PLK5: variants seen among roughly 807,000 people sequenced by gnomAD.
PLK5 encodes the protein polo like kinase 5 (inactive).
A neutral mutation model predicts 33.7 loss-of-function variants in PLK5; 28 were observed. The observed-to-expected ratio is 0.83, with a 90% CI of 0.62 to 1.14. The LOEUF is 1.14. Among genes scored for constraint, PLK5 ranks in the 50% most tolerant of loss-of-function variants. PLK5 has a pLI of 0.00. For missense variants in PLK5, 492 were observed against 461.5 expected, an observed-to-expected ratio of 1.07 and a Z score of -0.61; for synonymous variants, 225 against 202.2, an observed-to-expected ratio of 1.11 and a Z score of -0.96.
Position 1,535,247 on chromosome 19 carries a change from C to T in PLK5, c.1008C>T (p.Ile336=), listed in dbSNP as rs948874202. 1 of 1,535,340 alleles carries T rather than the reference C, an allele frequency of 6.5e-7. No homozygotes were observed. The highest frequency in any genetic ancestry group is 8.7e-7 in the Non-Finnish European group (1 of 1,146,468). The change falls in exon 14 of 14, where the codon ATC becomes ATT. Residue 336 remains isoleucine, a synonymous_variant. Coordinates refer to ENST00000454744, the MANE Select transcript of PLK5 (RefSeq NM_001243079.2). ...ACGCCCTCCGCATGCTGCAGAGTAT[C>T]TAGTGCCCCTGAGGGTCAGAGTGGA... is the stretch of plus-strand genomic sequence containing the variant. ...LHHALRMLQS[I] is the part of the protein sequence containing the mutation.
In PLK5 at chr19:1,535,201, C is replaced by T. The variant is rs1568256067; in HGVS notation, c.962C>T (p.Thr321Ile). The change falls in exon 14 of 14, where the codon ACC (threonine) becomes ATC (isoleucine). Residue 321 changes from threonine (T) to isoleucine (I), a missense_variant. By Grantham distance (89) the Thr-to-Ile change is moderately conservative. Coordinates refer to ENST00000454744, the MANE Select transcript of PLK5 (RefSeq NM_001243079.2). ...DVPRSHGCAPTTGQHLHHALR... is the reference protein window; with the variant it reads ...DVPRSHGCAPITGQHLHHALR... Reference sequence around the variant, plus strand: ...CCGCGGAGCCACGGCTGCGCCCCCACCACCGGACAGCACCTTCACCACGCC... The same window carrying T: ...CCGCGGAGCCACGGCTGCGCCCCCATCACCGGACAGCACCTTCACCACGCC... 6.5e-7 allele frequency: 1 copy of T among 1,535,492 alleles called. No homozygotes were observed. Among genetic ancestry groups the T allele is most frequent in the Admixed American group, 2.0e-5 (1 of 50,902 alleles).
At position 1,535,280 on chromosome 19, in the gene PLK5, A is replaced by G. The variant is rs1914065425; in HGVS notation, c.*30A>G. The stretch of plus-strand genomic sequence containing the variant: ...CCTGAGGGTCAGAGTGGACCCCTGC[A>G]TGGTAGTGCCAGGGACCCAGGCTCC... On this transcript the variant is annotated 3_prime_UTR_variant, in exon 14 of 14. Transcript: ENST00000454744. 5 of 1,518,480 alleles carry G rather than the reference A, an allele frequency of 3.3e-6. No individual in the cohort carries two copies. In the African/African-American group the frequency reaches 4.2e-5, roughly 13 times the overall value. The allele number at this position is 1,518,480 out of a possible 1,614,324, so 94.1% of individuals were successfully genotyped here.
chr19:1,535,313 T>G lies in PLK5; in HGVS notation c.*63T>G. On this transcript the variant is annotated 3_prime_UTR_variant, in exon 14 of 14. Transcript: ENST00000454744. ...GCCAGGGACCCAGGCTCCATTTCCA[T>G]TCCTGTGGCTCCCCCAGAGGGGCTG... is the stretch of plus-strand genomic sequence containing the variant. The G allele has an allele frequency of 6.8e-7, 1 of 1,465,210 alleles. No individual in the cohort carries two copies. The highest frequency in any genetic ancestry group is 9.1e-7 in the Non-Finnish European group (1 of 1,103,504). 90.8% of individuals were successfully genotyped at this position (1,465,210 alleles called of 1,614,324 possible).
chr19:1,524,958 C>T lies in PLK5; in HGVS notation c.-543-347C>T, dbSNP rs1913695236. The T allele has an allele frequency of 6.6e-6, 1 of 152,628 alleles. No individual in the cohort carries two copies. Among genetic ancestry groups the T allele is most frequent in the Admixed American group, 6.6e-5 (1 of 15,220 alleles). The allele number at this position is 152,628 out of a possible 1,614,324, so 9.5% of individuals were successfully genotyped here. A position where few individuals can be genotyped will look rare whatever the true frequency, so the allele number is the denominator to read the frequency against. On this transcript the variant is annotated intron_variant, in intron 1 of 13. Transcript: ENST00000454744. The surrounding 1 kb of genome is among the most constrained non-coding windows in gnomAD (Gnocchi z 4.5). ...GTTTGTGTGTTGCTGCGTTGTGTAT[C>T]TGGGTGTTGTGTTGTGTGTCCATGC...
Position 1,528,406 on chromosome 19 carries a change from G to C in PLK5, c.306G>C (p.Leu102=). 6.5e-7 allele frequency: 1 copy of C among 1,535,208 alleles called. No homozygotes were observed. The highest frequency in any genetic ancestry group is 1.7e-4 in the Middle Eastern group (1 of 5,968). ...GRIFRKVGQR[L]LTQCRPPCPF... ...TCTTCCGGAAGGTGGGCCAGCGGCTGCTCACCCAGTGCCGGCCACCCTGTA... is the reference window on the plus strand; with the variant it reads ...TCTTCCGGAAGGTGGGCCAGCGGCTCCTCACCCAGTGCCGGCCACCCTGTA... The change falls in exon 8 of 14, where the codon CTG becomes CTC. Residue 102 remains leucine (L), a synonymous_variant. Transcript: ENST00000454744.
intron 3 of PLK5, among the ~76,000 whole-genome samples, chr19:1,526,112 A>G (rs1479158107): frequency 6.6e-6 from 1 of 151,988 alleles, no homozygotes; most frequent in African/African-American, 2.4e-5. Context: ...GTGGCCGTGA[A>G]CTCACTGTGC....
At chr19:1,532,295 C>G (rs577730258) in intron 12 of PLK5, among the ~76,000 whole-genome samples, 6 of 152,118 alleles carry the variant, frequency 3.9e-5, no homozygotes, top group African/African-American at 1.4e-4. Flanking sequence ...AATCCTGGCA[C>G]GTTGGAGGCT....
At chr19:1,527,516 TGCTTGA>T (rs1913775735) in intron 6 of PLK5, among the ~76,000 whole-genome samples, 1 of 151,890 alleles carries the variant, frequency 6.6e-6, no homozygotes, top group African/African-American at 2.4e-5. Flanking sequence ...TTGGGAGGAT[TGCTTGA>T]GCTCAGGAGG....
chr19:1,527,937 T>A lies in PLK5; in HGVS notation c.4T>A (p.Tyr2Asn). 2 of 1,529,732 alleles carry A rather than the reference T, an allele frequency of 1.3e-6. No homozygotes were observed. Among genetic ancestry groups the A allele is most frequent in the East Asian group, 4.9e-5 (2 of 40,642 alleles). 94.8% of individuals were successfully genotyped at this position (1,529,732 alleles called of 1,614,324 possible). ...GTTCTTGCCCCCCACCTGGCCCAGG[T>A]ACACGGTGCTGACTGGCACCCCACC... The part of the protein sequence containing the change: M[Y>N]TVLTGTPPFM... Residue 2 changes from tyrosine to asparagine, a missense_variant and splice_region_variant, in exon 7 of 14, where the codon TAC becomes AAC. Transcript: ENST00000454744.
chr19:1,527,034 C>CG (rs759454775), intron 6 of PLK5, 36 bp downstream of exon 6: 52,139 of 985,226 alleles, frequency 0.053, 1,145 homozygotes, highest in Middle Eastern at 0.093. Context: ...GCAGGGCCTC[C>CG]GGGGGGGGCA....
At position 1,533,863 on chromosome 19, in the gene PLK5, G is replaced by A. The variant is rs1459891171; in HGVS notation, c.715-68G>A. 7.2e-6 allele frequency: 9 copies of A among 1,253,258 alleles called. No individual in the cohort carries two copies. The East Asian group carries it at 1.6e-4, about 22-fold the overall frequency. 77.6% of individuals were successfully genotyped at this position (1,253,258 alleles called of 1,614,324 possible). On this transcript the variant is annotated intron_variant, in intron 12 of 13. Coordinates refer to ENST00000454744, the MANE Select transcript of PLK5 (RefSeq NM_001243079.2). ...GGCTGCGGGAGGTGAGAGCTGGGGT[G>A]CTGGGTGTGGGGGCGAGGGGTGGGG...
chr19:1,530,579 G>A lies in PLK5; in HGVS notation c.568+755G>A, dbSNP rs1028711819. 2.0e-4 allele frequency among the ~76,000 whole-genome samples: 27 copies of A among 135,942 alleles called. 1 individual carries two copies. The highest frequency in any genetic ancestry group is 6.4e-4 in the African/African-American group (23 of 35,932). The allele number at this position is 135,942 out of a possible 152,430, so 89.2% of individuals were successfully genotyped here. A position where few individuals can be genotyped will look rare whatever the true frequency, so the allele number is the denominator to read the frequency against. ...CTCCCAAAGTGCTGGGATTACAGACGTCGTCAGCCACCACGCCTGGGCGCA... is the reference window on the plus strand; with the variant it reads ...CTCCCAAAGTGCTGGGATTACAGACATCGTCAGCCACCACGCCTGGGCGCA... On this transcript the variant is annotated intron_variant, in intron 11 of 13. Transcript: ENST00000454744.
chr19:1,530,200 C>T (rs111439392), intron 11 of PLK5, among the ~76,000 whole-genome samples: 5 of 152,278 alleles, frequency 3.3e-5, no homozygotes, highest in African/African-American at 4.8e-5. Flanking sequence ...CCCCTCCTCT[C>T]CCTGAGCCTC....
intron 6 of PLK5, among the ~76,000 whole-genome samples, chr19:1,527,342 C>T (rs553055081): frequency 6.6e-6 from 1 of 152,194 alleles, no homozygotes; most frequent in African/African-American, 2.4e-5. Flanking sequence ...TGACTCACGC[C>T]TGTAATCCTA....
chr19:1,525,393 C>T lies in PLK5; in HGVS notation c.-455C>T, dbSNP rs2292451. 47,117 of 152,542 alleles carry T rather than the reference C, an allele frequency of 0.31. 7,850 individuals are homozygous for T. Among genetic ancestry groups the T allele is most frequent in the East Asian group, 0.71 (3,678 of 5,146 alleles). The allele number at this position is 152,542 out of a possible 1,614,324, so 9.4% of individuals were successfully genotyped here. Reference sequence around the variant, plus strand: ...GTGGTGCCGTGTGGCGGGGCTGGGGCCGGGTGGCTTCGCCCGCAGGGAAAG... The same window carrying T: ...GTGGTGCCGTGTGGCGGGGCTGGGGTCGGGTGGCTTCGCCCGCAGGGAAAG... On this transcript the variant is annotated 5_prime_UTR_variant, in exon 2 of 14. Coordinates refer to ENST00000454744, the MANE Select transcript of PLK5 (RefSeq NM_001243079.2).
At chr19:1,529,073 C>T (rs918293821) in intron 9 of PLK5, 99 bp downstream of exon 9, 55 of 1,078,598 alleles carry the variant, frequency 5.1e-5, no homozygotes, top group Non-Finnish European at 6.9e-5. Flanking sequence ...TGAACCCCTT[C>T]TGGGGTCTCC....
chr19:1,527,052 C>CGGGGGGGGGGGGGGGTGGG, intron 6 of PLK5, 54 bp downstream of exon 6: 1 of 842,668 alleles, frequency 1.2e-6, no homozygotes, highest in East Asian at 3.1e-5. Flanking sequence ...GCAGGTGTGG[C>CGGGGGGGGGGGGGGGTGGG]GGGGGGGGAG....
At chr19:1,534,918 G>A (rs908262612) in intron 13 of PLK5, 147 bp from the exon 14 acceptor site, 21 of 722,452 alleles carry the variant, frequency 2.9e-5, no homozygotes, top group South Asian at 1.9e-4. Context: ...TTGGCCTCCC[G>A]ACCCCGAGTT....
Position 1,535,154 on chromosome 19 carries a change from C to G in PLK5, c.915C>G (p.Gly305=). The part of the protein sequence containing the change: ...QLTLWEQGSP[G]TSYSLDVPRS... ...CCCTCTGGGAGCAGGGGTCCCCTGG[C>G]ACCTCCTACTCCCTGGACGTCCCGC... The change falls in exon 14 of 14, where the codon GGC becomes GGG. Residue 305 remains glycine, a synonymous_variant. Coordinates refer to ENST00000454744, the MANE Select transcript of PLK5 (RefSeq NM_001243079.2). 1 of 1,535,770 alleles carries G rather than the reference C, an allele frequency of 6.5e-7. No homozygotes were observed. Among genetic ancestry groups the G allele is most frequent in the Non-Finnish European group, 8.7e-7 (1 of 1,146,770 alleles).
Sources: allele counts gnomAD v4.1 joint callset (sites outside exome capture counted in the v4.1 genomes callset), GRCh38; gene constraint gnomAD v4.1.1; non-coding constraint Gnocchi (gnomAD v3.1); transcripts MANE v1.5; gene names NCBI Gene and HGNC (gene_info 2026-07-23, HGNC 2026-07-21).